The following SASH1 variants were observed in gnomAD, a reference collection of about 807,000 sequenced individuals.
SASH1 encodes SAM and SH3 domain containing 1.
SASH1 carries 44 observed loss-of-function variants against 125.2 expected under a neutral mutation model. That is an observed-to-expected ratio of 0.35 (90% confidence interval 0.28 to 0.45). The LOEUF (loss-of-function observed/expected upper bound fraction) is 0.45. SASH1 is among the 20% of genes least tolerant of loss of function. The probability of loss-of-function intolerance (pLI) is 1.00; values close to 1 mark genes in which losing one functional copy is unlikely to be tolerated. For synonymous variants in SASH1, 639 were observed against 649.1 expected (o/e 0.98, Z 0.24); for missense variants, 1,426 against 1,614.5 (o/e 0.88, Z 2.00).
At chr6:148,335,585 C>G (rs1050931281) in intron 1 of SASH1, among the ~76,000 whole-genome samples, 2 of 151,586 alleles carry the variant, frequency 1.3e-5, no homozygotes, top group Admixed American at 1.3e-4. Flanking sequence ...TGGATATATC[C>G]GAAAACTGAA....
chr6:148,453,373 A>T (rs1182835642), intron 4 of SASH1, among the ~76,000 whole-genome samples: 1 of 152,220 alleles, frequency 6.6e-6, no homozygotes, highest in Non-Finnish European at 1.5e-5. Context: ...TTGCAGGAAG[A>T]TGTGGAGACT....
intron 1 of SASH1, among the ~76,000 whole-genome samples, chr6:148,285,754 T>C (rs1710353382): frequency 6.6e-6 from 1 of 152,196 alleles, no homozygotes; most frequent in African/African-American, 2.4e-5. Context: ...TATTTCACTA[T>C]GTTCTAACCA....
chr6:148,225,096 C>A, the SASH1 span, among the ~76,000 whole-genome samples: 1 of 152,060 alleles, frequency 6.6e-6, no homozygotes, highest in Admixed American at 6.6e-5. Flanking sequence ...GCAAGAGGAG[C>A]CCCTGGTTAT....
the SASH1 span, among the ~76,000 whole-genome samples, chr6:148,200,816 T>C: frequency 6.6e-6 from 1 of 152,204 alleles, no homozygotes; most frequent in Non-Finnish European, 1.5e-5. Context: ...TTCTTTGAAA[T>C]ATAGGGAAGC....
At chr6:148,260,077 A>G in the SASH1 span, among the ~76,000 whole-genome samples, 1 of 152,078 alleles carries the variant, frequency 6.6e-6, no homozygotes. Flanking sequence ...AATGATTCTT[A>G]CCCAGTTTTT....
intron 4 of SASH1, among the ~76,000 whole-genome samples, chr6:148,449,446 G>A (rs948966327): frequency 1.3e-5 from 2 of 149,946 alleles, no homozygotes; most frequent in Admixed American, 6.7e-5. Flanking sequence ...GGAGTGCAAT[G>A]GTGCAATCTC....
At chr6:148,477,275 AC>A (rs1226849680) in intron 7 of SASH1, among the ~76,000 whole-genome samples, 4 of 152,238 alleles carry the variant, frequency 2.6e-5, no homozygotes, top group African/African-American at 7.2e-5. Context: ...AAGTGAAAAG[AC>A]AACCCACATA....
chr6:148,532,248 G>A lies in SASH1; in HGVS notation c.1565-549G>A, dbSNP rs1781562886. 6.6e-6 allele frequency among the ~76,000 whole-genome samples: 1 copy of A among 151,912 alleles called. No individual in the cohort carries two copies. The highest frequency in any genetic ancestry group is 2.4e-5 in the African/African-American group (1 of 41,358). On this transcript the variant is annotated intron_variant, in intron 13 of 19. Coordinates refer to ENST00000367467, the MANE Select transcript of SASH1 (RefSeq NM_015278.5). This position sits in a 1 kb window ranked among gnomAD's most constrained non-coding sequence, Gnocchi z 4.7. ...CATGCCACCACACCCGGCTAATTTT[G>A]TTGTAGAGACGGGGTTTTGCCATGT...
chr6:148,306,589 A>G (rs1459313448), intron 1 of SASH1, among the ~76,000 whole-genome samples: 1 of 152,190 alleles, frequency 6.6e-6, no homozygotes, highest in African/African-American at 2.4e-5. Flanking sequence ...TAGGGGAGGC[A>G]TCCATCCACA....
chr6:148,363,587 G>T (rs1366878314), intron 1 of SASH1, among the ~76,000 whole-genome samples: 2 of 151,820 alleles, frequency 1.3e-5, no homozygotes, highest in Non-Finnish European at 2.9e-5. Context: ...TTTTTAGTAG[G>T]GACGGGGTTT....
chr6:148,433,979 G>A (rs1776173850), intron 2 of SASH1, among the ~76,000 whole-genome samples: 1 of 151,082 alleles, frequency 6.6e-6, no homozygotes, highest in Non-Finnish European at 1.5e-5. Context: ...AGTAACCATT[G>A]GCGTGTAGAA....
chr6:148,506,060 C>T (rs182140878), intron 8 of SASH1, among the ~76,000 whole-genome samples: 330 of 151,862 alleles, frequency 2.2e-3, no homozygotes, highest in African/African-American at 7.2e-3. Context: ...TGAGCCACCA[C>T]GCCCGGCCTG....
At chr6:148,257,471 G>A in the SASH1 span, among the ~76,000 whole-genome samples, 109 of 152,306 alleles carry the variant, frequency 7.2e-4, 1 homozygote, top group African/African-American at 2.5e-3. Context: ...ATGTGTTCCT[G>A]ACTTCCGTCG....
chr6:148,225,131 T>C, the SASH1 span, among the ~76,000 whole-genome samples: 2 of 152,208 alleles, frequency 1.3e-5, no homozygotes, highest in African/African-American at 4.8e-5. Context: ...CCTGTGATTG[T>C]CTTAAGCATT....
rs1782841691 is a variant in SASH1 at position 148,550,852 on chromosome 6, G to C, written c.*2294G>C. Reference sequence around the variant, plus strand: ...AAAAAACCACACAAAAGTTGTGTAAGAGATGAGATAACAAAGGAGCGAGAG... The same window carrying C: ...AAAAAACCACACAAAAGTTGTGTAACAGATGAGATAACAAAGGAGCGAGAG... On this transcript the variant is annotated 3_prime_UTR_variant, in exon 20 of 20. Coordinates refer to ENST00000367467, the MANE Select transcript of SASH1 (RefSeq NM_015278.5). 1 of 152,238 alleles carries C rather than the reference G, an allele frequency of 6.6e-6. No homozygotes were observed. The highest frequency in any genetic ancestry group is 2.1e-4 in the South Asian group (1 of 4,838). The allele number at this position is 152,238 out of a possible 1,614,324, so 9.4% of individuals were successfully genotyped here. A position where few individuals can be genotyped will look rare whatever the true frequency, so the allele number is the denominator to read the frequency against.
chr6:148,226,868 G>T, the SASH1 span, among the ~76,000 whole-genome samples: 1 of 152,152 alleles, frequency 6.6e-6, no homozygotes, highest in Admixed American at 6.5e-5. Context: ...TGGGTTATAT[G>T]TCTCTGCCTA....
At chr6:148,368,743 C>T (rs1471813904) in intron 1 of SASH1, among the ~76,000 whole-genome samples, 1 of 150,290 alleles carries the variant, frequency 6.7e-6, no homozygotes, top group African/African-American at 2.4e-5. Context: ...TCCTTCCAAC[C>T]TCCCCCACAT....
At chr6:148,386,743 T>C (rs1276783906) in intron 1 of SASH1, among the ~76,000 whole-genome samples, 1 of 152,134 alleles carries the variant, frequency 6.6e-6, no homozygotes, top group Non-Finnish European at 1.5e-5. Flanking sequence ...GTGATAGGGA[T>C]CAGATCTGTA....
At chr6:148,530,859 A>G (rs936671271) in intron 12 of SASH1, among the ~76,000 whole-genome samples, 1 of 152,226 alleles carries the variant, frequency 6.6e-6, no homozygotes, top group East Asian at 1.9e-4. Flanking sequence ...AGTCACTCCC[A>G]TCAGGATTCT....
Sources: gnomAD v4.1 joint callset for allele counts (sites outside exome capture counted in the v4.1 genomes callset) on GRCh38, gnomAD v4.1.1 for gene constraint, Gnocchi (gnomAD v3.1) non-coding constraint, MANE v1.5 for transcripts, NCBI Gene and HGNC (gene_info 2026-07-23, HGNC 2026-07-21) for gene names.